FYN: variants seen among roughly 807,000 people sequenced by gnomAD.
FYN encodes FYN proto-oncogene, Src family tyrosine kinase, also known as tyrosine-protein kinase Fyn.
FYN carries 10 observed loss-of-function variants against 70.2 expected under a neutral mutation model. The observed-to-expected ratio is 0.14, with a 90% CI of 0.09 to 0.24. The LOEUF is 0.24. FYN is among the 10% of genes least tolerant of loss of function. FYN has a pLI of 1.00. For synonymous variants in FYN, 236 were observed against 248.6 expected (o/e 0.95, Z 0.48); for missense variants, 319 against 673.1 (o/e 0.47, Z 5.82).
chr6:111,747,875 G>A (rs1374375511), intron 3 of FYN, among the ~76,000 whole-genome samples: 1 of 152,120 alleles, frequency 6.6e-6, no homozygotes, highest in East Asian at 1.9e-4. Flanking sequence ...TCATTCTTAC[G>A]AATCTCCAGG....
chr6:111,863,685 T>C (rs960508741), intron 1 of FYN, among the ~76,000 whole-genome samples: 1 of 152,182 alleles, frequency 6.6e-6, no homozygotes, highest in African/African-American at 2.4e-5. Flanking sequence ...ACCTCAAAGA[T>C]GGAAGCTCTG....
chr6:111,711,716 C>A (rs917732832), intron 5 of FYN, among the ~76,000 whole-genome samples: 5 of 152,216 alleles, frequency 3.3e-5, no homozygotes, highest in Non-Finnish European at 5.9e-5. Context: ...AGGACCAGAG[C>A]CAGAGGCGGG....
chr6:111,817,905 G>C (rs1239008217), intron 2 of FYN, among the ~76,000 whole-genome samples: 1 of 152,186 alleles, frequency 6.6e-6, no homozygotes, highest in East Asian at 1.9e-4. Flanking sequence ...GCACTGTCTG[G>C]TTACAACAGT....
chr6:111,762,890 G>A (rs1309798193), intron 3 of FYN, among the ~76,000 whole-genome samples: 1 of 152,092 alleles, frequency 6.6e-6, no homozygotes. Flanking sequence ...GCTGGACACG[G>A]GTGAGAATCT....
intron 13 of FYN, among the ~76,000 whole-genome samples, chr6:111,672,353 A>C (rs1365864111): frequency 6.6e-6 from 1 of 152,240 alleles, no homozygotes; most frequent in Non-Finnish European, 1.5e-5. Context: ...ACTGCAGACC[A>C]GCACTTGCTC....
intron 10 of FYN, among the ~76,000 whole-genome samples, chr6:111,695,761 G>T (rs1291986640): frequency 6.6e-6 from 1 of 152,192 alleles, no homozygotes; most frequent in South Asian, 2.1e-4. Flanking sequence ...AGACAGAGGG[G>T]TTGTAGGGGA....
At chr6:111,785,569 C>T (rs901339698) in intron 2 of FYN, among the ~76,000 whole-genome samples, 2 of 152,142 alleles carry the variant, frequency 1.3e-5, no homozygotes, top group Non-Finnish European at 2.9e-5. Flanking sequence ...AGCAGCCCAA[C>T]CCTATGCTTT....
chr6:111,786,455 A>G lies in FYN; in HGVS notation c.-81-5820T>C, dbSNP rs530403756. 2.4e-3 allele frequency among the ~76,000 whole-genome samples: 367 copies of G among 152,270 alleles called. 3 individuals carry two copies. The highest frequency in any genetic ancestry group is 8.2e-3 in the African/African-American group (339 of 41,554). On this transcript the variant is annotated intron_variant, in intron 2 of 13. Coordinates refer to ENST00000354650, the MANE Select transcript of FYN (RefSeq NM_002037.5). ...GTGCCACATTTTCTTCATCCAGTCT[A>G]TCATTGATGGACATTTGGGTTGGTT...
intron 12 of FYN, among the ~76,000 whole-genome samples, chr6:111,680,799 A>C (rs1432483185): frequency 6.6e-6 from 1 of 152,174 alleles, no homozygotes. Context: ...CAAAGCAGTA[A>C]AACTTAGCAT....
chr6:111,819,633 T>C (rs1012669022), intron 2 of FYN, among the ~76,000 whole-genome samples: 8 of 152,154 alleles, frequency 5.3e-5, no homozygotes, highest in African/African-American at 9.7e-5. Context: ...TACAGACGCA[T>C]AGACTGTAAA....
At chr6:111,793,167 A>G (rs184199510) in intron 2 of FYN, among the ~76,000 whole-genome samples, 1 of 152,336 alleles carries the variant, frequency 6.6e-6, no homozygotes, top group African/African-American at 2.4e-5. Flanking sequence ...GCTGCACTAA[A>G]AGCTTAGAAG....
chr6:111,753,636 CAAA>C (rs79090425), intron 3 of FYN, among the ~76,000 whole-genome samples: 3 of 132,674 alleles, frequency 2.3e-5, no homozygotes, highest in Admixed American at 1.5e-4. Flanking sequence ...GGGCCTAAAC[CAAA>C]AAAAAAAAAA....
chr6:111,670,769 G>A (rs1798229729), intron 13 of FYN, among the ~76,000 whole-genome samples: 2 of 152,084 alleles, frequency 1.3e-5, no homozygotes, highest in Non-Finnish European at 2.9e-5. Flanking sequence ...AATGGTGGGT[G>A]GGTGGGTGGT....
chr6:111,755,357 G>A (rs1355845755), intron 3 of FYN, among the ~76,000 whole-genome samples: 2 of 152,080 alleles, frequency 1.3e-5, no homozygotes, highest in Non-Finnish European at 2.9e-5. Context: ...GTTCTTTAAT[G>A]TTCTTCCTGG....
At chr6:111,677,025 C>T (rs957139319) in intron 12 of FYN, among the ~76,000 whole-genome samples, 1 of 152,072 alleles carries the variant, frequency 6.6e-6, no homozygotes, top group Non-Finnish European at 1.5e-5. Context: ...AAAACAAAGG[C>T]TGCATTAATG....
chr6:111,772,635 C>T (rs1803494001), intron 3 of FYN, among the ~76,000 whole-genome samples: 1 of 152,144 alleles, frequency 6.6e-6, no homozygotes, highest in Non-Finnish European at 1.5e-5. Flanking sequence ...GTTTAACCTC[C>T]ACTTAATAAC....
In FYN at chr6:111,694,409, T is replaced by C. The variant is rs1204704454; in HGVS notation, c.1239A>G (p.Arg413=). 1.2e-6 allele frequency: 2 copies of C among 1,614,074 alleles called. No homozygotes were observed. The highest frequency in any genetic ancestry group is 1.3e-5 in the African/African-American group (1 of 74,922). ...ICKIADFGLA[R]LIEDNEYTAR... ...CTGTGTACTCATTGTCTTCTATCAA[T>C]CGGGCCAATCCGAAGTCAGCAATCT... is the stretch of plus-strand genomic sequence containing the variant. Residue 413 remains arginine, a synonymous_variant, in exon 12 of 14, where the codon CGA becomes CGG. Transcript: ENST00000354650. This position sits in a 1 kb window ranked among gnomAD's most constrained non-coding sequence, Gnocchi z 5.0.
At chr6:111,729,106 T>C (rs1333022826) in intron 3 of FYN, among the ~76,000 whole-genome samples, 1 of 152,204 alleles carries the variant, frequency 6.6e-6, no homozygotes, top group Admixed American at 6.5e-5. Context: ...CTCTCTTACA[T>C]TGCTGATAGA....
chr6:111,838,384 C>T (rs1177658937), intron 2 of FYN, among the ~76,000 whole-genome samples: 1 of 152,162 alleles, frequency 6.6e-6, no homozygotes, highest in African/African-American at 2.4e-5. Context: ...ATGCAGAATA[C>T]CTTGATGTCA....
Sources: gnomAD v4.1 joint callset for allele counts (sites outside exome capture counted in the v4.1 genomes callset) on GRCh38, gnomAD v4.1.1 for gene constraint, Gnocchi (gnomAD v3.1) non-coding constraint, MANE v1.5 for transcripts, NCBI Gene and HGNC (gene_info 2026-07-23, HGNC 2026-07-21) for gene names.